SCN8A: variants seen among roughly 807,000 people sequenced by gnomAD.
The protein encoded by SCN8A is sodium voltage-gated channel alpha subunit 8.
Under a neutral mutation model 184.1 loss-of-function variants are expected in SCN8A, and 30 were observed. The ratio of observed to expected loss-of-function variants is 0.16; its 90% CI spans 0.12 to 0.22. SCN8A has a LOEUF of 0.22. Ranked by LOEUF, SCN8A falls within the 10% of genes least tolerant of loss-of-function variation. The pLI is 1.00. For missense variants in SCN8A, 1,057 were observed against 2,498.9 expected (o/e 0.42, Z 12.30); for synonymous variants, 852 against 907.0 (o/e 0.94, Z 1.09).
chr12:51,742,374 A>G (rs1203582448), intron 12 of SCN8A, among the ~76,000 whole-genome samples: 2 of 152,110 alleles, frequency 1.3e-5, no homozygotes, highest in African/African-American at 2.4e-5. Flanking sequence ...CCTGTAGGAC[A>G]GGTCTGGTGT....
intron 2 of SCN8A, among the ~76,000 whole-genome samples, chr12:51,681,131 G>A (rs1941325078): frequency 1.3e-5 from 2 of 152,168 alleles, no homozygotes; most frequent in Admixed American, 1.3e-4. Flanking sequence ...ATGGGCCAGT[G>A]CTTCTTTCAT....
chr12:51,622,101 A>G (rs571304408), intron 1 of SCN8A, among the ~76,000 whole-genome samples: 1 of 152,354 alleles, frequency 6.6e-6, no homozygotes, highest in Admixed American at 6.5e-5. Flanking sequence ...AATAAGTTAA[A>G]CAGTTAATTT....
At chr12:51,592,766 C>T (rs10431536) in intron 1 of SCN8A, among the ~76,000 whole-genome samples, 112,052 of 151,614 alleles carry the variant, frequency 0.74, 42,089 homozygotes, top group Non-Finnish European at 0.82. Context: ...AACTGTTTTC[C>T]CAAGTTTGAA....
chr12:51,774,748 G>A (rs1027909234), intron 20 of SCN8A, among the ~76,000 whole-genome samples: 2 of 152,068 alleles, frequency 1.3e-5, no homozygotes, highest in African/African-American at 4.8e-5. Flanking sequence ...ATGAGATGGG[G>A]GCTGTTGGGA....
intron 12 of SCN8A, 107 bp downstream of exon 12, chr12:51,722,015 T>TA: frequency 6.3e-7 from 1 of 1,580,314 alleles, no homozygotes; most frequent in South Asian, 1.1e-5. Flanking sequence ...CTTTCCCTGC[T>TA]CTGCCCATCC....
At chr12:51,657,162 G>GT (rs1405805313) in intron 1 of SCN8A, among the ~76,000 whole-genome samples, 1 of 151,976 alleles carries the variant, frequency 6.6e-6, no homozygotes, top group South Asian at 2.1e-4. Context: ...ATATTTTGGG[G>GT]TTTTTTTGGT....
rs1938940273 is a variant in SCN8A, at chr12:51,812,428, TA to T, written c.*5001del. 1 of 152,656 alleles carries T rather than the reference TA, an allele frequency of 6.6e-6. No individual in the cohort carries two copies. Among genetic ancestry groups the T allele is most frequent in the Non-Finnish European group, 1.5e-5 (1 of 68,206 alleles). The allele number at this position is 152,656 out of a possible 1,614,324, so 9.5% of individuals were successfully genotyped here. ...ACCTCACAGGGGTGTTGTGAGGCTT[TA>T]ACTAAATGTTTTGTAAAGCGTTTTG... On this transcript the variant is annotated 3_prime_UTR_variant, in exon 27 of 27. Transcript: ENST00000627620.
Position 51,769,635 on chromosome 12 carries a change from C to T in SCN8A, c.3373-233C>T, listed in dbSNP as rs542901974. ...TATAGCCCTGAAACCAACCTATAGC[C>T]GCATTTAGCTTTGGGTGGGTCATTG... On this transcript the variant is annotated intron_variant, in intron 17 of 26. Transcript: ENST00000627620. Among the ~76,000 whole-genome samples, 16 of 152,258 alleles carry T rather than the reference C, an allele frequency of 1.1e-4. No homozygotes were observed. The South Asian group carries it at 2.7e-3, about 26-fold the overall frequency.
chr12:51,608,635 T>C (rs183675730), intron 1 of SCN8A, among the ~76,000 whole-genome samples: 2 of 152,322 alleles, frequency 1.3e-5, no homozygotes, highest in Admixed American at 1.3e-4. Context: ...TCTCCTCTCT[T>C]CTAGGCTAAT....
intron 1 of SCN8A, among the ~76,000 whole-genome samples, chr12:51,634,082 C>T (rs1311293311): frequency 6.6e-6 from 1 of 152,098 alleles, no homozygotes; most frequent in East Asian, 1.9e-4. Context: ...GATAAATTAT[C>T]TTAGAGTCAA....
chr12:51,706,273 A>G, intron 10 of SCN8A, 149 bp from the exon 11 acceptor site: 2 of 660,076 alleles, frequency 3.0e-6, no homozygotes, highest in Non-Finnish European at 4.7e-6. Flanking sequence ...GTGCCAGAAT[A>G]CACAGAAACC....
Position 51,684,167 on chromosome 12 carries a change from T to A in SCN8A, c.277-7T>A. 1 of 1,352,152 alleles carries A rather than the reference T, an allele frequency of 7.4e-7. No individual in the cohort carries two copies. The highest frequency in any genetic ancestry group is 1.1e-6 in the Non-Finnish European group (1 of 941,188). 83.8% of individuals were successfully genotyped at this position (1,352,152 alleles called of 1,614,324 possible). ...TTAATAATTTCTCTCTCTTTCTTTC[T>A]CCACAGACCTTTGTAGTATTAAACA... is the stretch of plus-strand genomic sequence containing the variant. On this transcript the variant is annotated splice_region_variant and splice_polypyrimidine_tract_variant and intron_variant, in intron 2 of 26. Coordinates refer to ENST00000627620, the MANE Select transcript of SCN8A (RefSeq NM_001330260.2).
chr12:51,762,317 G>A (rs373606453), intron 14 of SCN8A, among the ~76,000 whole-genome samples, 186 bp from the exon 15 acceptor site: 1 of 152,110 alleles, frequency 6.6e-6, no homozygotes. Context: ...TCATTCAAGA[G>A]GAGAATAAGA....
intron 20 of SCN8A, 48 bp downstream of exon 20, chr12:51,774,410 A>C: frequency 6.5e-7 from 1 of 1,534,948 alleles, no homozygotes. Flanking sequence ...AGGAACACAG[A>C]AACAGGGGTC....
chr12:51,654,273 A>G (rs560975627), intron 1 of SCN8A, among the ~76,000 whole-genome samples: 2 of 152,128 alleles, frequency 1.3e-5, no homozygotes, highest in Non-Finnish European at 2.9e-5. Context: ...GACAGATCCA[A>G]TGTTATGAAG....
At chr12:51,629,195 C>T (rs1345794528) in intron 1 of SCN8A, among the ~76,000 whole-genome samples, 1 of 152,186 alleles carries the variant, frequency 6.6e-6, no homozygotes, top group Non-Finnish European at 1.5e-5. Flanking sequence ...TGTTCTCTGT[C>T]TGTCATAGCT....
chr12:51,761,465 A>ATTTATTTAT (rs557023068), intron 14 of SCN8A, among the ~76,000 whole-genome samples: 3 of 147,962 alleles, frequency 2.0e-5, no homozygotes, highest in African/African-American at 7.6e-5. Context: ...TTATTTATTT[A>ATTTATTTAT]TTATTATTTA....
intron 1 of SCN8A, among the ~76,000 whole-genome samples, chr12:51,591,906 C>G (rs1368039440): frequency 1.3e-5 from 2 of 152,182 alleles, no homozygotes; most frequent in East Asian, 1.9e-4. Flanking sequence ...CCGACTCCCT[C>G]TGTCCTTTAC....
Position 51,801,584 on chromosome 12 carries a change from A to G in SCN8A, c.4796-4698A>G, listed in dbSNP as rs145480037. Among the ~76,000 whole-genome samples, 714 of 152,322 alleles carry G rather than the reference A, an allele frequency of 4.7e-3. 2 individuals are homozygous for G. Among genetic ancestry groups the G allele is most frequent in the Non-Finnish European group, 7.8e-3 (528 of 68,028 alleles). On this transcript the variant is annotated intron_variant, in intron 26 of 26. Transcript: ENST00000627620. ...CCACGTTTCAGCTAACCAAGCAAAT[A>G]AACTATTAGAACCTTTTTAACTCCC... is the stretch of plus-strand genomic sequence containing the variant.
Sources: allele counts gnomAD v4.1 joint callset (sites outside exome capture counted in the v4.1 genomes callset), GRCh38; gene constraint gnomAD v4.1.1; transcripts MANE v1.5; gene names NCBI Gene and HGNC (gene_info 2026-07-23, HGNC 2026-07-21).